DCC: variants seen among roughly 807,000 people sequenced by gnomAD.
DCC encodes DCC netrin 1 receptor.
Under a neutral mutation model 172.5 loss-of-function variants are expected in DCC, and 58 were observed. That is an observed-to-expected ratio of 0.34 (90% confidence interval 0.27 to 0.42). The LOEUF (loss-of-function observed/expected upper bound fraction) is 0.42. DCC is among the 10% of genes least tolerant of loss of function. The pLI, the probability that DCC is intolerant of heterozygous loss-of-function variation, is 1.00. For synonymous variants in DCC, 709 were observed against 644.5 expected (o/e 1.10, Z -1.52); for missense variants, 1,740 against 1,791.0 (o/e 0.97, Z 0.51).
At chr18:53,066,391 A>C (rs1292368638) in intron 7 of DCC, among the ~76,000 whole-genome samples, 1 of 100,878 alleles carries the variant, frequency 9.9e-6, no homozygotes, top group South Asian at 3.0e-4. Context: ...ATATATATAT[A>C]TATATATGTG....
chr18:53,072,126 C>G (rs1463004670), intron 7 of DCC, among the ~76,000 whole-genome samples: 1 of 151,886 alleles, frequency 6.6e-6, no homozygotes, highest in South Asian at 2.1e-4. Context: ...GAGACTCCAT[C>G]TCAAGAAGAA....
intron 8 of DCC, among the ~76,000 whole-genome samples, chr18:53,160,354 A>G (rs2054816789): frequency 6.6e-6 from 1 of 152,180 alleles, no homozygotes; most frequent in African/African-American, 2.4e-5. Context: ...CTTTGATTTC[A>G]TAGAGATCTG....
chr18:53,061,874 G>C (rs762217083), intron 5 of DCC, among the ~76,000 whole-genome samples: 1 of 152,110 alleles, frequency 6.6e-6, no homozygotes, highest in Non-Finnish European at 1.5e-5. Context: ...TGCATTGTCA[G>C]CTCTCAATAA....
chr18:53,491,362 T>C (rs2045957800), intron 26 of DCC, among the ~76,000 whole-genome samples: 1 of 152,152 alleles, frequency 6.6e-6, no homozygotes, highest in Admixed American at 6.6e-5. Flanking sequence ...ATCACAATAA[T>C]GTAGATTTCT....
intron 1 of DCC, among the ~76,000 whole-genome samples, chr18:52,668,194 G>A (rs2035489570): frequency 6.6e-6 from 1 of 152,150 alleles, no homozygotes; most frequent in South Asian, 2.1e-4. Flanking sequence ...GAAAAGAGGT[G>A]ACTTTTTGAT....
At chr18:53,360,158 A>G (rs1568081337) in intron 15 of DCC, among the ~76,000 whole-genome samples, 1 of 152,030 alleles carries the variant, frequency 6.6e-6, no homozygotes, top group Non-Finnish European at 1.5e-5. Flanking sequence ...TTTATTAGGT[A>G]TTGTGTGTTT....
At chr18:53,218,372 G>A (rs2055884303) in intron 12 of DCC, among the ~76,000 whole-genome samples, 1 of 151,932 alleles carries the variant, frequency 6.6e-6, no homozygotes, top group African/African-American at 2.4e-5. Context: ...CACAATCTAG[G>A]TACTCGTTAA....
intron 28 of DCC, among the ~76,000 whole-genome samples, chr18:53,529,936 T>A (rs549127039): frequency 6.6e-6 from 1 of 152,156 alleles, no homozygotes; most frequent in African/African-American, 2.4e-5. Flanking sequence ...CCAAAAAGGA[T>A]TGACTGTGGT....
intron 7 of DCC, among the ~76,000 whole-genome samples, chr18:53,126,510 T>G (rs1272773034): frequency 1.3e-5 from 2 of 151,866 alleles, no homozygotes; most frequent in Admixed American, 6.5e-5. Context: ...ATTATCTTTT[T>G]GGGCTTTAAA....
At chr18:53,320,834 G>A (rs2057402957) in intron 13 of DCC, among the ~76,000 whole-genome samples, 2 of 152,080 alleles carry the variant, frequency 1.3e-5, no homozygotes, top group Admixed American at 1.3e-4. Flanking sequence ...ACAAAGATAA[G>A]AGCACCAATG....
chr18:53,515,644 A>G lies in DCC; in HGVS notation c.4112-10973A>G, dbSNP rs1259072581. ...ATGTACAAAAATCACAAGCATTCTT[A>G]TACACCAACAACAGACAAACAGAGA... On this transcript the variant is annotated intron_variant, in intron 27 of 28. Coordinates refer to ENST00000442544, the MANE Select transcript of DCC (RefSeq NM_005215.4). 2.0e-5 allele frequency among the ~76,000 whole-genome samples: 3 copies of G among 147,332 alleles called. No individual in the cohort carries two copies. In the East Asian group the frequency reaches 6.0e-4, roughly 29 times the overall value.
At chr18:52,403,317 A>G (rs756747658) in intron 1 of DCC, among the ~76,000 whole-genome samples, 2 of 151,996 alleles carry the variant, frequency 1.3e-5, no homozygotes, top group Non-Finnish European at 2.9e-5. Flanking sequence ...AGGGAAGCAG[A>G]GATAAGGGAA....
intron 1 of DCC, among the ~76,000 whole-genome samples, chr18:52,660,657 C>T (rs2035342203): frequency 6.6e-6 from 1 of 152,188 alleles, no homozygotes; most frequent in Admixed American, 6.5e-5. Context: ...ATTTGTGTTT[C>T]TGTAGCTTGT....
chr18:52,680,439 G>A (rs913082100), intron 1 of DCC, among the ~76,000 whole-genome samples: 19 of 152,124 alleles, frequency 1.2e-4, no homozygotes, highest in African/African-American at 4.6e-4. Flanking sequence ...CCTCCTGGAT[G>A]TCTTATCCCA....
chr18:52,656,028 G>GTGCGTA (rs59712053), intron 1 of DCC, among the ~76,000 whole-genome samples: 21,428 of 109,808 alleles, frequency 0.2, 1,792 homozygotes, highest in East Asian at 0.3. Flanking sequence ...GTATATATAT[G>GTGCGTA]TATATATGTG....
intron 5 of DCC, among the ~76,000 whole-genome samples, chr18:52,945,224 TAAC>T (rs1355540385): frequency 6.6e-6 from 1 of 152,202 alleles, no homozygotes; most frequent in Non-Finnish European, 1.5e-5. Flanking sequence ...ACTTAGGTTT[TAAC>T]AAGAAAAAAT....
At chr18:53,155,337 C>G (rs143694793) in intron 7 of DCC, among the ~76,000 whole-genome samples, 1 of 152,058 alleles carries the variant, frequency 6.6e-6, no homozygotes. Flanking sequence ...CCACAAAAGC[C>G]GGTTTGAAGA....
intron 2 of DCC, among the ~76,000 whole-genome samples, chr18:52,819,376 G>A (rs2038362987): frequency 6.6e-6 from 1 of 152,080 alleles, no homozygotes; most frequent in African/African-American, 2.4e-5. Flanking sequence ...TTAAAGTTTT[G>A]TTGTCTACAA....
chr18:53,234,515 T>C (rs982818154), intron 12 of DCC, among the ~76,000 whole-genome samples: 2 of 152,162 alleles, frequency 1.3e-5, no homozygotes, highest in Non-Finnish European at 2.9e-5. Flanking sequence ...ACTCAACCCC[T>C]GGCCCAGTGT....
Sources: gnomAD v4.1 joint callset for allele counts (sites outside exome capture counted in the v4.1 genomes callset) on GRCh38, gnomAD v4.1.1 for gene constraint, MANE v1.5 for transcripts, NCBI Gene and HGNC (gene_info 2026-07-23, HGNC 2026-07-21) for gene names.